The following ZNF385B variants were observed in gnomAD, a reference collection of about 807,000 sequenced individuals.
ZNF385B encodes zinc finger protein 533.
In ZNF385B, 23 loss-of-function variants were observed where a neutral mutation model predicts 39.2. The observed-to-expected ratio is 0.59, with a 90% confidence interval of 0.42 to 0.83. The LOEUF (loss-of-function observed/expected upper bound fraction) is 0.83. Among genes scored for constraint, ZNF385B ranks in the 40% least tolerant of loss-of-function variants. ZNF385B has a pLI of 0.00. For missense variants in ZNF385B, 552 were observed against 598.9 expected, an observed-to-expected ratio of 0.92 and a Z score of 0.82; for synonymous variants, 205 against 222.6, an observed-to-expected ratio of 0.92 and a Z score of 0.70.
At chr2:179,669,043 A>T (rs1226959613) in intron 3 of ZNF385B, among the ~76,000 whole-genome samples, 1 of 152,260 alleles carries the variant, frequency 6.6e-6, no homozygotes, top group Non-Finnish European at 1.5e-5. Flanking sequence ...ACAACACAGA[A>T]CTATGAAGAG....
At chr2:179,627,533 G>A (rs190208891) in intron 3 of ZNF385B, among the ~76,000 whole-genome samples, 3 of 152,270 alleles carry the variant, frequency 2.0e-5, no homozygotes, top group Admixed American at 2.0e-4. Context: ...GATCCATAAT[G>A]TGATTCCAGA....
At chr2:179,712,601 A>G (rs922887091) in intron 3 of ZNF385B, among the ~76,000 whole-genome samples, 10 of 152,084 alleles carry the variant, frequency 6.6e-5, no homozygotes, top group African/African-American at 2.4e-4. Flanking sequence ...CCAGGTACTC[A>G]TTGCTCAGAG....
intron 3 of ZNF385B, among the ~76,000 whole-genome samples, chr2:179,576,552 C>T (rs1685839751): frequency 6.6e-6 from 1 of 152,150 alleles, no homozygotes; most frequent in Admixed American, 6.6e-5. Flanking sequence ...ATGAAGTATT[C>T]CTTCACTTTG....
chr2:179,539,200 C>T (rs902626015), intron 4 of ZNF385B, among the ~76,000 whole-genome samples: 1 of 152,156 alleles, frequency 6.6e-6, no homozygotes, highest in Non-Finnish European at 1.5e-5. Context: ...GGGCTGTCTT[C>T]CTGGGCTTGC....
At chr2:179,661,790 TGGTCA>T (rs1226092464) in intron 3 of ZNF385B, among the ~76,000 whole-genome samples, 1 of 152,214 alleles carries the variant, frequency 6.6e-6, no homozygotes, top group East Asian at 1.9e-4. Context: ...ACGACTGTGG[TGGTCA>T]ATATCAGTGT....
intron 1 of ZNF385B, among the ~76,000 whole-genome samples, chr2:179,819,034 T>TACACAC (rs10556902): frequency 0.023 from 3,343 of 148,156 alleles, 45 homozygotes; most frequent in South Asian, 0.039. Context: ...TGTTTATAAA[T>TACACAC]ACACACACAC....
chr2:179,601,082 G>T (rs1334433080), intron 3 of ZNF385B, among the ~76,000 whole-genome samples: 1 of 152,132 alleles, frequency 6.6e-6, no homozygotes, highest in Non-Finnish European at 1.5e-5. Flanking sequence ...ACCCAGTTGG[G>T]TATCCCAGTC....
chr2:179,801,046 C>A lies in ZNF385B; in HGVS notation c.-154-30374G>T, dbSNP rs548900045. 2.0e-5 allele frequency among the ~76,000 whole-genome samples: 3 copies of A among 152,200 alleles called. No homozygotes were observed. In the South Asian group the frequency reaches 6.2e-4, roughly 31 times the overall value. ...GTTAGAATCCAAACAAAGCCTACAC[C>A]TTCCATTTGGTATCCCTTCCTTTCT... On this transcript the variant is annotated intron_variant, in intron 1 of 9. Transcript: ENST00000410066.
At chr2:179,647,233 G>T (rs186249566) in intron 3 of ZNF385B, among the ~76,000 whole-genome samples, 244 of 152,128 alleles carry the variant, frequency 1.6e-3, no homozygotes, top group African/African-American at 5.6e-3. Context: ...ATACTATCTG[G>T]GAACTCTCAA....
intron 3 of ZNF385B, among the ~76,000 whole-genome samples, chr2:179,564,408 C>T (rs1035741666): frequency 3.3e-5 from 5 of 152,112 alleles, no homozygotes; most frequent in African/African-American, 1.2e-4. Context: ...CATCTCTTAC[C>T]TAGCTAAGTC....
At chr2:179,826,206 A>G (rs1338104223) in intron 1 of ZNF385B, among the ~76,000 whole-genome samples, 2 of 152,214 alleles carry the variant, frequency 1.3e-5, no homozygotes, top group Admixed American at 6.5e-5. Flanking sequence ...ATGGAGTTCA[A>G]TGTTTAAATA....
At chr2:179,636,479 T>G (rs1292271278) in intron 3 of ZNF385B, among the ~76,000 whole-genome samples, 2 of 152,154 alleles carry the variant, frequency 1.3e-5, no homozygotes, top group Non-Finnish European at 2.9e-5. Flanking sequence ...AAAAGTGAGA[T>G]GAAGGAAAAG....
At position 179,442,033 on chromosome 2, in the gene ZNF385B, C is replaced by A. The variant is rs2049022081; in HGVS notation, c.*1217G>T. 1 of 152,520 alleles carries A rather than the reference C, an allele frequency of 6.6e-6. No individual in the cohort carries two copies. Among genetic ancestry groups the A allele is most frequent in the East Asian group, 1.9e-4 (1 of 5,192 alleles). The allele number at this position is 152,520 out of a possible 1,614,324, so 9.4% of individuals were successfully genotyped here. A position where few individuals can be genotyped will look rare whatever the true frequency, so the allele number is the denominator to read the frequency against. ...AGGTACATTTAAAAAAATACACAGACATTTTACCATTTACAGGTTGCAGAT... is the reference window on the plus strand; with the variant it reads ...AGGTACATTTAAAAAAATACACAGAAATTTTACCATTTACAGGTTGCAGAT... On this transcript the variant is annotated 3_prime_UTR_variant, in exon 10 of 10. Transcript: ENST00000410066.
At chr2:179,601,364 A>G (rs1688395922) in intron 3 of ZNF385B, among the ~76,000 whole-genome samples, 1 of 152,178 alleles carries the variant, frequency 6.6e-6, no homozygotes, top group Admixed American at 6.6e-5. Context: ...TATGTATAAA[A>G]TTCTTGGTTA....
At chr2:179,845,722 A>C (rs1304830483) in intron 1 of ZNF385B, among the ~76,000 whole-genome samples, 1 of 152,190 alleles carries the variant, frequency 6.6e-6, no homozygotes, top group African/African-American at 2.4e-5. Context: ...GAGTTTCACT[A>C]TTTGGGAGAT....
intron 3 of ZNF385B, among the ~76,000 whole-genome samples, chr2:179,742,977 A>G (rs1702167219): frequency 6.6e-6 from 1 of 152,058 alleles, no homozygotes; most frequent in Admixed American, 6.6e-5. Flanking sequence ...AATTGCTACT[A>G]AGACTTCAGG....
intron 3 of ZNF385B, among the ~76,000 whole-genome samples, chr2:179,685,825 T>C (rs538788621): frequency 6.6e-6 from 1 of 152,330 alleles, no homozygotes; most frequent in South Asian, 2.1e-4. Flanking sequence ...TTAGCAAAGA[T>C]AGGTCTGGTA....
intron 3 of ZNF385B, among the ~76,000 whole-genome samples, chr2:179,602,743 T>A (rs943609880): frequency 1.3e-5 from 2 of 152,150 alleles, no homozygotes; most frequent in African/African-American, 4.8e-5. Context: ...GATTTTCCAA[T>A]GGAGTAATTT....
Position 179,549,716 on chromosome 2 carries a change from T to C in ZNF385B, c.299-4747A>G, listed in dbSNP as rs1483545656. 2.7e-5 allele frequency among the ~76,000 whole-genome samples: 4 copies of C among 149,498 alleles called. 1 individual carries two copies. The highest frequency in any genetic ancestry group is 5.9e-5 in the Non-Finnish European group (4 of 67,632). On this transcript the variant is annotated intron_variant, in intron 3 of 9. Coordinates refer to ENST00000410066, the MANE Select transcript of ZNF385B (RefSeq NM_152520.6). ...ATTGGCAATAGTGTTTAATGGACTGTCATACTTCATTTACATTGATCCTAA... is the reference window on the plus strand; with the variant it reads ...ATTGGCAATAGTGTTTAATGGACTGCCATACTTCATTTACATTGATCCTAA...
Sources: allele counts gnomAD v4.1 joint callset (sites outside exome capture counted in the v4.1 genomes callset), GRCh38; gene constraint gnomAD v4.1.1; transcripts MANE v1.5; gene names NCBI Gene and HGNC (gene_info 2026-07-23, HGNC 2026-07-21).